DNMT3A: variants seen among roughly 807,000 people sequenced by gnomAD.
DNMT3A encodes the protein DNA methyltransferase 3 alpha.
In DNMT3A, 267 loss-of-function variants were observed where a neutral mutation model predicts 117.6. The ratio of observed to expected loss-of-function variants is 2.27; its 90% CI spans 2.05 to 2.51. DNMT3A has a LOEUF of 2.51. Among genes scored for constraint, DNMT3A ranks in the 30% most tolerant of loss-of-function variants. DNMT3A has a pLI of 0.00. For synonymous variants in DNMT3A, 432 were observed against 474.8 expected (o/e 0.91, Z 1.17); for missense variants, 1,029 against 1,260.2 (o/e 0.82, Z 2.78).
intron 6 of DNMT3A, among the ~76,000 whole-genome samples, chr2:25,250,768 T>C (rs1675425424): frequency 6.6e-6 from 1 of 152,180 alleles, no homozygotes; most frequent in Non-Finnish European, 1.5e-5. Flanking sequence ...AAAGACCCCG[T>C]TTCCAGGCGT....
At position 25,326,104 on chromosome 2, in the gene DNMT3A, A is replaced by ATGTG. The variant is rs1218749742; in HGVS notation, c.-177-11944_-177-11943insCACA. Reference sequence around the variant, plus strand: ...TTTGCACATTTTCTATTAACTTGATATATATGTGTGTGTGTGTGTGTGTGT... The same window carrying ATGTG: ...TTTGCACATTTTCTATTAACTTGATATGTGTATATGTGTGTGTGTGTGTGTGTGT... On this transcript the variant is annotated intron_variant, in intron 1 of 22. Coordinates refer to ENST00000321117, the MANE Select transcript of DNMT3A (RefSeq NM_022552.5). Among the ~76,000 whole-genome samples, 164 of 109,996 alleles carry ATGTG rather than the reference A, an allele frequency of 1.5e-3. 1 individual carries two copies. The highest frequency in any genetic ancestry group is 6.4e-3 in the African/African-American group (158 of 24,552). 72.2% of individuals were successfully genotyped at this position (109,996 alleles called of 152,430 possible).
chr2:25,279,541 AC>A (rs1316966049), intron 4 of DNMT3A, among the ~76,000 whole-genome samples: 1 of 152,026 alleles, frequency 6.6e-6, no homozygotes, highest in African/African-American at 2.4e-5. Context: ...GCCACTGCCC[AC>A]CCCGCGAGGT....
In DNMT3A at chr2:25,232,718, G is replaced by A. The variant is rs1672934435; in HGVS notation, c.*1561C>T. 1 of 173,448 alleles carries A rather than the reference G, an allele frequency of 5.8e-6. No individual in the cohort carries two copies. Among genetic ancestry groups the A allele is most frequent in the Non-Finnish European group, 1.2e-5 (1 of 80,256 alleles). The allele number at this position is 173,448 out of a possible 1,614,324, so 10.7% of individuals were successfully genotyped here. ...CAGAAGCACCCTGCTCCCGCACCTT[G>A]GTTTGAAACCTAAAGGGAAGGGTGT... On this transcript the variant is annotated 3_prime_UTR_variant, in exon 23 of 23. Coordinates refer to ENST00000321117, the MANE Select transcript of DNMT3A (RefSeq NM_022552.5). This position sits in a 1 kb window ranked among gnomAD's most constrained non-coding sequence, Gnocchi z 4.1.
Position 25,279,810 on chromosome 2 carries a change from C to T in DNMT3A, c.448+2631G>A, listed in dbSNP as rs149539872. Among the ~76,000 whole-genome samples the T allele has an allele frequency of 1.5e-3, 223 of 152,188 alleles. 1 individual carries two copies. The highest frequency in any genetic ancestry group is 4.9e-3 in the African/African-American group (202 of 41,508). ...TAAGTGATTCTCCTGTCTCAGACTC[C>T]GGAGTAGCTGCGACTACAGGCATGC... On this transcript the variant is annotated intron_variant, in intron 4 of 22. Coordinates refer to ENST00000321117, the MANE Select transcript of DNMT3A (RefSeq NM_022552.5).
In DNMT3A at chr2:25,275,180, T is replaced by C. The variant is rs2031292845; in HGVS notation, c.493-93A>G. 4 of 1,443,326 alleles carry C rather than the reference T, an allele frequency of 2.8e-6. No homozygotes were observed. In the East Asian group the frequency reaches 1.0e-4, roughly 36 times the overall value. 89.4% of individuals were successfully genotyped at this position (1,443,326 alleles called of 1,614,324 possible). A position where few individuals can be genotyped will look rare whatever the true frequency, so the allele number is the denominator to read the frequency against. ...CCTCAAACACAATGTGGACACTGGC[T>C]CCTGGCCAGAGAGGGCACCCCTGGG... On this transcript the variant is annotated intron_variant, in intron 5 of 22. Transcript: ENST00000321117.
chr2:25,281,996 A>T lies in DNMT3A; in HGVS notation c.448+445T>A. On this transcript the variant is annotated intron_variant, in intron 4 of 22. Transcript: ENST00000321117. This position sits in a 1 kb window ranked among gnomAD's most constrained non-coding sequence, Gnocchi z 4.8. ...CAGGCCAGGGGCTACAAATACAGCA[A>T]CCCCCAGGAACTGCATGGCACGTGG... 1 of 1,099,464 alleles carries T rather than the reference A, an allele frequency of 9.1e-7. No homozygotes were observed. Among genetic ancestry groups the T allele is most frequent in the Non-Finnish European group, 1.1e-6 (1 of 900,050 alleles). The allele number at this position is 1,099,464 out of a possible 1,614,324, so 68.1% of individuals were successfully genotyped here.
intron 6 of DNMT3A, among the ~76,000 whole-genome samples, chr2:25,269,029 C>A (rs1234530483): frequency 6.6e-6 from 1 of 152,208 alleles, no homozygotes; most frequent in African/African-American, 2.4e-5. Context: ...GTAATATTAA[C>A]CGTAAGGACA....
chr2:25,316,516 G>A (rs1028888363), intron 1 of DNMT3A, among the ~76,000 whole-genome samples: 58 of 152,302 alleles, frequency 3.8e-4, no homozygotes, highest in African/African-American at 1.3e-3. Flanking sequence ...CCTCCAGTAT[G>A]TGTCTGGGCG....
At chr2:25,302,619 C>T (rs897785008) in intron 2 of DNMT3A, among the ~76,000 whole-genome samples, 14 of 152,130 alleles carry the variant, frequency 9.2e-5, no homozygotes, top group Admixed American at 3.9e-4. Context: ...CTCAGGGTGC[C>T]CAAGGGCACA....
At chr2:25,238,114 C>T (rs1211043695) in intron 20 of DNMT3A, among the ~76,000 whole-genome samples, 1 of 152,204 alleles carries the variant, frequency 6.6e-6, no homozygotes, top group East Asian at 1.9e-4. Flanking sequence ...AGAAATCCCA[C>T]AGGACCAAGG....
chr2:25,239,170 T>G lies in DNMT3A; in HGVS notation c.2368A>C (p.Arg790=). ...IDAKEVSAAH[R]ARYFWGNLPG... Reference sequence around the variant, plus strand: ...AGGTTACCCCAGAAGTAGCGGGCCCTGTGTGCAGCTGACACTTCTTTGGCA... The same window carrying G: ...AGGTTACCCCAGAAGTAGCGGGCCCGGTGTGCAGCTGACACTTCTTTGGCA... The change falls in exon 20 of 23, where the codon AGG becomes CGG. Residue 790 remains arginine, a synonymous_variant. Transcript: ENST00000321117. The G allele has an allele frequency of 6.2e-7, 1 of 1,614,106 alleles. No individual in the cohort carries two copies. The highest frequency in any genetic ancestry group is 8.5e-7 in the Non-Finnish European group (1 of 1,180,000).
intron 3 of DNMT3A, among the ~76,000 whole-genome samples, chr2:25,297,603 C>T (rs1016415503): frequency 6.6e-5 from 10 of 151,796 alleles, no homozygotes; most frequent in South Asian, 2.1e-4. Context: ...CTTCCCCTTC[C>T]GGGTTCAAGC....
chr2:25,313,811 G>C, intron 2 of DNMT3A, 102 bp downstream of exon 2: 1 of 1,516,798 alleles, frequency 6.6e-7, no homozygotes, highest in South Asian at 1.2e-5. Context: ...AGCACTGAGT[G>C]ATGCGGTCAT....
chr2:25,300,689 ATATTTATATAT>A, intron 2 of DNMT3A, among the ~76,000 whole-genome samples: 2 of 79,178 alleles, frequency 2.5e-5, no homozygotes, highest in African/African-American at 1.0e-4. Flanking sequence ...ATTTAGATAT[ATATTTATATAT>A]CTAAATAATA....
chr2:25,296,831 T>C lies in DNMT3A; in HGVS notation c.177+3308A>G, dbSNP rs1011411641. Among the ~76,000 whole-genome samples, 4 of 152,112 alleles carry C rather than the reference T, an allele frequency of 2.6e-5. No homozygotes were observed. Among genetic ancestry groups the C allele is most frequent in the African/African-American group, 7.2e-5 (3 of 41,410 alleles). On this transcript the variant is annotated intron_variant, in intron 3 of 22. Coordinates refer to ENST00000321117, the MANE Select transcript of DNMT3A (RefSeq NM_022552.5). The surrounding 1 kb of genome is among the most constrained non-coding windows in gnomAD (Gnocchi z 4.2). ...ATTTCTTGGGCTTGGGGGTGGGACC[T>C]GGTGAGGGCACTAGTGGGTATATCT... is the stretch of plus-strand genomic sequence containing the variant.
intron 2 of DNMT3A, among the ~76,000 whole-genome samples, chr2:25,303,667 C>A (rs2033636249): frequency 6.6e-6 from 1 of 152,242 alleles, no homozygotes; most frequent in Non-Finnish European, 1.5e-5. Flanking sequence ...CTGAACAACT[C>A]CTGGCCCTTC....
intron 6 of DNMT3A, among the ~76,000 whole-genome samples, chr2:25,264,593 G>A (rs1004865797): frequency 6.6e-6 from 1 of 151,874 alleles, no homozygotes; most frequent in Non-Finnish European, 1.5e-5. Context: ...TCAGCCTCCC[G>A]AGTAGCTGGG....
At chr2:25,341,980 C>T (rs1266661158), upstream of DNMT3A, 11 of 967,752 alleles carry the variant, frequency 1.1e-5, no homozygotes, top group Non-Finnish European at 1.3e-5. Flanking sequence ...TCCCTCCCTC[C>T]GCTCGCTGTC....
chr2:25,335,290 C>T (rs545575392), intron 1 of DNMT3A, among the ~76,000 whole-genome samples: 7 of 152,372 alleles, frequency 4.6e-5, no homozygotes, highest in Admixed American at 6.5e-5. Context: ...TACAAGTAAT[C>T]GTGCAGGCCT....
Sources: allele counts gnomAD v4.1 joint callset (sites outside exome capture counted in the v4.1 genomes callset), GRCh38; gene constraint gnomAD v4.1.1; non-coding constraint Gnocchi (gnomAD v3.1); transcripts MANE v1.5; gene names NCBI Gene and HGNC (gene_info 2026-07-23, HGNC 2026-07-21).